The following TWSG1 variants were observed in gnomAD, a reference collection of about 807,000 sequenced individuals.
TWSG1 encodes twisted gastrulation BMP signaling modulator 1.
In TWSG1, 15 loss-of-function variants were observed where a neutral mutation model predicts 23.0. The ratio of observed to expected loss-of-function variants is 0.65; its 90% CI spans 0.44 to 1.00. The LOEUF (loss-of-function observed/expected upper bound fraction) is 1.00, where lower values mean the gene tolerates loss of function less well. Among genes scored for constraint, TWSG1 ranks in the 50% least tolerant of loss-of-function variants. The pLI, the probability that TWSG1 is intolerant of heterozygous loss-of-function variation, is 0.00. For synonymous variants in TWSG1, 86 were observed against 92.8 expected (o/e 0.93, Z 0.42); for missense variants, 242 against 278.7 (o/e 0.87, Z 0.94).
At chr18:9,372,906 T>C (rs578116409) in intron 3 of TWSG1, among the ~76,000 whole-genome samples, 7 of 152,302 alleles carry the variant, frequency 4.6e-5, no homozygotes, top group Non-Finnish European at 1.5e-5. Context: ...TTAATCCAGT[T>C]ATATTAGTAA....
chr18:9,381,119 T>C (rs1374828184), intron 3 of TWSG1, among the ~76,000 whole-genome samples: 1 of 152,222 alleles, frequency 6.6e-6, no homozygotes, highest in African/African-American at 2.4e-5. Context: ...GGAAACTAAG[T>C]GCCAGCAATG....
chr18:9,369,826 C>T (rs1302231086), intron 3 of TWSG1, among the ~76,000 whole-genome samples: 1 of 152,216 alleles, frequency 6.6e-6, no homozygotes, highest in Non-Finnish European at 1.5e-5. Context: ...CCACCATGCC[C>T]AGCCCCCTGA....
intron 3 of TWSG1, among the ~76,000 whole-genome samples, chr18:9,383,661 A>G (rs992036627): frequency 1.3e-5 from 2 of 152,182 alleles, no homozygotes; most frequent in African/African-American, 4.8e-5. Flanking sequence ...AGATTCTGAA[A>G]ATATTTTGGA....
intron 3 of TWSG1, among the ~76,000 whole-genome samples, chr18:9,362,276 T>G (rs2040556122): frequency 6.6e-6 from 1 of 152,168 alleles, no homozygotes; most frequent in Non-Finnish European, 1.5e-5. Context: ...GGTGTGATCA[T>G]GGCTCACTGC....
intron 3 of TWSG1, among the ~76,000 whole-genome samples, chr18:9,383,642 G>A (rs1447299809): frequency 1.3e-5 from 2 of 152,208 alleles, no homozygotes; most frequent in Non-Finnish European, 2.9e-5. Context: ...AGTGGAAATG[G>A]TGGCACTCAG....
At chr18:9,397,687 G>A (rs186465368) in intron 4 of TWSG1, among the ~76,000 whole-genome samples, 1 of 152,258 alleles carries the variant, frequency 6.6e-6, no homozygotes, top group Admixed American at 6.5e-5. Flanking sequence ...TATTAGTTGT[G>A]CCCTCCATTA....
intron 2 of TWSG1, among the ~76,000 whole-genome samples, chr18:9,338,714 G>A (rs1429654928): frequency 6.6e-6 from 1 of 152,184 alleles, no homozygotes; most frequent in Non-Finnish European, 1.5e-5. Context: ...ATGAAGCCCA[G>A]TTTTGTGCTA....
At position 9,396,952 on chromosome 18, in the gene TWSG1, G is replaced by A. The variant is rs145372022; in HGVS notation, c.490+406G>A. 8.7e-3 allele frequency: 1,646 copies of A among 188,138 alleles called. 31 individuals are homozygous for A. Among genetic ancestry groups the A allele is most frequent in the African/African-American group, 0.037 (1,569 of 42,806 alleles). The allele number at this position is 188,138 out of a possible 1,614,324, so 11.7% of individuals were successfully genotyped here. On this transcript the variant is annotated intron_variant, in intron 4 of 4. Coordinates refer to ENST00000262120, the MANE Select transcript of TWSG1 (RefSeq NM_020648.6). ...CGGGCGCCTGTAGTCCAGCTACGAG[G>A]GAGGCTGAGGCAGGAGAATTGCTTG...
intron 2 of TWSG1, among the ~76,000 whole-genome samples, chr18:9,351,015 C>G (rs1037954190): frequency 6.6e-6 from 1 of 151,962 alleles, no homozygotes; most frequent in Admixed American, 6.6e-5. Flanking sequence ...TCATTGATTA[C>G]TTATGCTTAC....
intron 3 of TWSG1, among the ~76,000 whole-genome samples, chr18:9,387,567 C>A (rs749203462): frequency 4.0e-5 from 6 of 151,770 alleles, no homozygotes; most frequent in Non-Finnish European, 7.4e-5. Flanking sequence ...GAGTTTGAGA[C>A]CAGCCTAGTT....
chr18:9,368,193 G>GTT (rs201184405), intron 3 of TWSG1, among the ~76,000 whole-genome samples: 43 of 151,558 alleles, frequency 2.8e-4, no homozygotes, highest in African/African-American at 9.2e-4. Flanking sequence ...TTATTGTGGT[G>GTT]TTTTTTTTGT....
chr18:9,394,040 C>A (rs1188227492), intron 3 of TWSG1, among the ~76,000 whole-genome samples: 1 of 152,150 alleles, frequency 6.6e-6, no homozygotes, highest in Non-Finnish European at 1.5e-5. Context: ...ATCCAGCAAT[C>A]CCATTACTAT....
chr18:9,352,187 C>T (rs1320607175), intron 2 of TWSG1, among the ~76,000 whole-genome samples: 1 of 152,060 alleles, frequency 6.6e-6, no homozygotes, highest in Non-Finnish European at 1.5e-5. Context: ...CAGTATATAG[C>T]CTTTTGTTCT....
chr18:9,343,161 G>T lies in TWSG1; in HGVS notation c.123+5809G>T, dbSNP rs188295005. Among the ~76,000 whole-genome samples the T allele has an allele frequency of 3.6e-4, 45 of 125,074 alleles. 1 individual carries two copies. In the East Asian group the frequency reaches 8.0e-3, roughly 22 times the overall value. The allele number at this position is 125,074 out of a possible 152,430, so 82.1% of individuals were successfully genotyped here. On this transcript the variant is annotated intron_variant, in intron 2 of 4. Coordinates refer to ENST00000262120, the MANE Select transcript of TWSG1 (RefSeq NM_020648.6). ...TGTTTGGTATCTTGTGAGTCTTTTGGGGATCAGTTTTGAGCCAAAGACTAG... is the reference window on the plus strand; with the variant it reads ...TGTTTGGTATCTTGTGAGTCTTTTGTGGATCAGTTTTGAGCCAAAGACTAG...
At chr18:9,395,031 T>C (rs748910327) in intron 3 of TWSG1, among the ~76,000 whole-genome samples, 2 of 152,168 alleles carry the variant, frequency 1.3e-5, no homozygotes, top group African/African-American at 2.4e-5. Flanking sequence ...TGGCCCAGTG[T>C]CCTATCCACG....
chr18:9,337,461 T>TTTAC, intron 2 of TWSG1, 109 bp downstream of exon 2: 1 of 1,232,142 alleles, frequency 8.1e-7, no homozygotes, highest in East Asian at 2.6e-5. Flanking sequence ...GACCTGAGTA[T>TTTAC]TGGGTCAGGG....
intron 2 of TWSG1, among the ~76,000 whole-genome samples, chr18:9,340,097 G>A (rs868422900): frequency 6.6e-6 from 1 of 152,024 alleles, no homozygotes; most frequent in Non-Finnish European, 1.5e-5. Flanking sequence ...GGCCGGGCGC[G>A]GTGGCTCAAG....
At chr18:9,369,936 C>T (rs539723078) in intron 3 of TWSG1, among the ~76,000 whole-genome samples, 3 of 152,152 alleles carry the variant, frequency 2.0e-5, no homozygotes, top group Non-Finnish European at 4.4e-5. Context: ...TTGATTGTTT[C>T]CTTGACTGTG....
intron 3 of TWSG1, among the ~76,000 whole-genome samples, chr18:9,387,763 T>A (rs1180338710): frequency 3.9e-5 from 4 of 101,920 alleles, no homozygotes; most frequent in Non-Finnish European, 8.4e-5. Context: ...AGAGTGAAAC[T>A]CTGTCTCAAA....
Sources: allele counts gnomAD v4.1 joint callset (sites outside exome capture counted in the v4.1 genomes callset), GRCh38; gene constraint gnomAD v4.1.1; transcripts MANE v1.5; gene names NCBI Gene and HGNC (gene_info 2026-07-23, HGNC 2026-07-21).